The following PDE3B variants were observed in gnomAD, a reference collection of about 807,000 sequenced individuals.
PDE3B encodes the protein phosphodiesterase 3B.
Under a neutral mutation model 116.8 loss-of-function variants are expected in PDE3B, and 66 were observed. That is an observed-to-expected ratio of 0.56 (90% confidence interval 0.46 to 0.69). PDE3B has a LOEUF of 0.69. PDE3B is among the 30% of genes least tolerant of loss of function. The pLI, the probability that PDE3B is intolerant of heterozygous loss-of-function variation, is 0.00. For synonymous variants in PDE3B, 595 were observed against 533.6 expected (o/e 1.12, Z -1.59); for missense variants, 1,384 against 1,368.1 (o/e 1.01, Z -0.18).
chr11:14,810,985 C>G (rs1383750624), intron 5 of PDE3B, among the ~76,000 whole-genome samples: 3 of 151,648 alleles, frequency 2.0e-5, no homozygotes, highest in African/African-American at 7.3e-5. Context: ...AGTGTCTGTT[C>G]ATGTCCTTTG....
chr11:14,836,498 G>A (rs1226042664), intron 11 of PDE3B, among the ~76,000 whole-genome samples: 1 of 151,980 alleles, frequency 6.6e-6, no homozygotes, highest in East Asian at 1.9e-4. Context: ...TCAAAATTCA[G>A]CCTCTCCATT....
chr11:14,644,919 G>A lies in PDE3B; in HGVS notation c.844G>A (p.Ala282Thr). 1.2e-6 allele frequency: 2 copies of A among 1,614,130 alleles called. No individual in the cohort carries two copies. The highest frequency in any genetic ancestry group is 2.7e-5 in the African/African-American group (2 of 75,044). The change falls in exon 1 of 16, where the codon GCC becomes ACC. Residue 282 changes from alanine (A) to threonine (T), a missense_variant. Transcript: ENST00000282096. ...APLHPRLSSA[A>T]EEKVPVIRPR... is the part of the protein sequence containing the mutation. ...TCTTCATCCTCGACTGTCCAGTGCC[G>A]CCGAAGAAAAAGTGCCTGTGATCCG...
the PDE3B span, chr11:14,886,072 C>T: frequency 2.8e-6 from 2 of 719,428 alleles, no homozygotes; most frequent in South Asian, 1.6e-5. Context: ...TTCAGAGTGC[C>T]CTCCTTCTAT....
At chr11:14,767,035 A>G (rs1024457782) in intron 1 of PDE3B, among the ~76,000 whole-genome samples, 1 of 151,488 alleles carries the variant, frequency 6.6e-6, no homozygotes, top group African/African-American at 2.4e-5. Context: ...AGTTTTATAA[A>G]TCTCTCAGCA....
chr11:14,790,886 A>G (rs562614147), intron 4 of PDE3B, among the ~76,000 whole-genome samples: 4 of 152,202 alleles, frequency 2.6e-5, no homozygotes, highest in East Asian at 3.9e-4. Context: ...TACAACCACT[A>G]TTCCTTTTCA....
chr11:14,778,177 A>T (rs557483735), intron 2 of PDE3B, among the ~76,000 whole-genome samples: 1 of 152,122 alleles, frequency 6.6e-6, no homozygotes, highest in Non-Finnish European at 1.5e-5. Context: ...GAAGCTCAAA[A>T]TGGGTGGAGC....
chr11:14,773,017 G>A (rs567781020), intron 2 of PDE3B: 55 of 152,028 alleles, frequency 3.6e-4, no homozygotes, highest in African/African-American at 1.3e-3. Context: ...AATGGAAGTG[G>A]TATGAGTAGG....
rs782311102 is a variant in PDE3B at position 14,871,379 on chromosome 11, T to TTA, written c.*1720_*1721dup. ...TTTGACTGATAATTTATATTTGCAC[T>TTA]TACAATATATATATCCTGTCCTTAT... On this transcript the variant is annotated 3_prime_UTR_variant, in exon 16 of 16. Transcript: ENST00000282096. 11 of 152,288 alleles carry TTA rather than the reference T, an allele frequency of 7.2e-5. No individual in the cohort carries two copies. The highest frequency in any genetic ancestry group is 1.3e-4 in the Non-Finnish European group (9 of 67,998). 9.4% of individuals were successfully genotyped at this position (152,288 alleles called of 1,614,324 possible). A position where few individuals can be genotyped will look rare whatever the true frequency, so the allele number is the denominator to read the frequency against.
At chr11:14,668,044 A>T (rs1488897862) in intron 1 of PDE3B, among the ~76,000 whole-genome samples, 2 of 151,702 alleles carry the variant, frequency 1.3e-5, no homozygotes, top group African/African-American at 4.8e-5. Context: ...AAAAAAAAAA[A>T]GGTTTGAAGC....
chr11:14,689,364 A>G (rs2067007997), intron 1 of PDE3B, among the ~76,000 whole-genome samples: 2 of 152,190 alleles, frequency 1.3e-5, no homozygotes, highest in Non-Finnish European at 2.9e-5. Context: ...GAATAAGGCT[A>G]GAGTTATACT....
chr11:14,712,181 G>T (rs1455600856), intron 1 of PDE3B, among the ~76,000 whole-genome samples: 2 of 152,080 alleles, frequency 1.3e-5, no homozygotes, highest in African/African-American at 4.8e-5. Flanking sequence ...CAACTCCTGG[G>T]CTCAAGCTGT....
intron 1 of PDE3B, among the ~76,000 whole-genome samples, chr11:14,764,569 T>C (rs1266325258): frequency 6.6e-6 from 1 of 152,098 alleles, no homozygotes; most frequent in Non-Finnish European, 1.5e-5. Flanking sequence ...TGCTACAGCA[T>C]AATGGTTGGT....
At chr11:14,827,220 TG>T (rs2133958610) in intron 7 of PDE3B, among the ~76,000 whole-genome samples, 1 of 152,284 alleles carries the variant, frequency 6.6e-6, no homozygotes, top group East Asian at 1.9e-4. Context: ...TCACACTGAA[TG>T]GGCAAAAGCT....
the PDE3B span, chr11:14,887,522 G>T: frequency 1.3e-5 from 11 of 871,732 alleles, no homozygotes; most frequent in African/African-American, 1.8e-5. Context: ...AAGGGTACAA[G>T]ATTAGCTTAT....
chr11:14,840,666 C>CTACAG (rs1473329501), intron 11 of PDE3B, among the ~76,000 whole-genome samples: 2 of 152,154 alleles, frequency 1.3e-5, no homozygotes, highest in African/African-American at 4.8e-5. Context: ...AAGTGGATAG[C>CTACAG]TACAGCATTG....
chr11:14,665,111 A>G (rs1854086535), intron 1 of PDE3B, among the ~76,000 whole-genome samples: 1 of 152,256 alleles, frequency 6.6e-6, no homozygotes, highest in African/African-American at 2.4e-5. Flanking sequence ...GGCTGGTTCA[A>G]TATCCGCAAA....
At chr11:14,669,802 G>A (rs1034226972) in intron 1 of PDE3B, among the ~76,000 whole-genome samples, 2 of 152,082 alleles carry the variant, frequency 1.3e-5, no homozygotes, top group Admixed American at 6.6e-5. Context: ...GAAGAATCAT[G>A]TAAACAAAGG....
At chr11:14,664,646 C>T (rs1854065803) in intron 1 of PDE3B, among the ~76,000 whole-genome samples, 2 of 152,164 alleles carry the variant, frequency 1.3e-5, no homozygotes, top group South Asian at 4.1e-4. Context: ...CAGCTCTAAG[C>T]AAATAAACTA....
At chr11:14,874,158 T>A (rs144414220), downstream of PDE3B, among the ~76,000 whole-genome samples, 356 of 152,342 alleles carry the variant, frequency 2.3e-3, no homozygotes, top group African/African-American at 7.8e-3. Flanking sequence ...TTTTGTCTTA[T>A]GTTTTCTGGC....
Sources: gnomAD v4.1 joint callset for allele counts (sites outside exome capture counted in the v4.1 genomes callset) on GRCh38, gnomAD v4.1.1 for gene constraint, MANE v1.5 for transcripts, NCBI Gene and HGNC (gene_info 2026-07-23, HGNC 2026-07-21) for gene names.